ATAD2B: variants seen among roughly 807,000 people sequenced by gnomAD.
ATAD2B encodes ATPase family AAA domain-containing protein 2B.
In ATAD2B, 40 loss-of-function variants were observed where a neutral mutation model predicts 167.6. The ratio of observed to expected loss-of-function variants is 0.24; its 90% CI spans 0.19 to 0.31. The LOEUF is 0.31. ATAD2B is among the 10% of genes least tolerant of loss of function. ATAD2B has a pLI of 1.00. For missense variants in ATAD2B, 1,242 were observed against 1,757.2 expected, an observed-to-expected ratio of 0.71 and a Z score of 5.24; for synonymous variants, 579 against 596.5, an observed-to-expected ratio of 0.97 and a Z score of 0.43.
the ATAD2B span, among the ~76,000 whole-genome samples, chr2:23,733,219 A>G: frequency 2.0e-5 from 3 of 151,994 alleles, no homozygotes; most frequent in African/African-American, 7.3e-5. Flanking sequence ...TTTTTCCTCA[A>G]AGCAACAAAG....
intron 8 of ATAD2B, among the ~76,000 whole-genome samples, chr2:23,870,343 G>C (rs1299034909): frequency 6.8e-6 from 1 of 148,100 alleles, no homozygotes; most frequent in Non-Finnish European, 1.5e-5. Flanking sequence ...CTGGAGTGCG[G>C]TGGCAAGGTC....
At chr2:23,873,410 T>C (rs1696300188) in intron 8 of ATAD2B, among the ~76,000 whole-genome samples, 2 of 152,352 alleles carry the variant, frequency 1.3e-5, no homozygotes, top group South Asian at 4.1e-4. Context: ...CCCTTGCGAA[T>C]ACCAAAATTC....
chr2:23,780,734 T>C (rs1259949149), intron 22 of ATAD2B, among the ~76,000 whole-genome samples: 1 of 152,038 alleles, frequency 6.6e-6, no homozygotes, highest in Admixed American at 6.6e-5. Flanking sequence ...ACCCCATCTC[T>C]ACTAAAAATG....
At chr2:23,759,260 T>C (rs1225660699) in intron 24 of ATAD2B, among the ~76,000 whole-genome samples, 1 of 152,128 alleles carries the variant, frequency 6.6e-6, no homozygotes, top group African/African-American at 2.4e-5. Flanking sequence ...AAAGACAATA[T>C]ATATGTTTAA....
At chr2:23,691,609 C>T in the ATAD2B span, 3 of 1,386,050 alleles carry the variant, frequency 2.2e-6, no homozygotes, top group East Asian at 5.0e-5. Flanking sequence ...GAGATCTAGC[C>T]CTGTGAGGAA....
chr2:23,762,315 A>C lies in ATAD2B; in HGVS notation c.3288T>G (p.Pro1096=). 1.2e-6 allele frequency: 2 copies of C among 1,613,458 alleles called. No homozygotes were observed. Among genetic ancestry groups the C allele is most frequent in the Non-Finnish European group, 1.7e-6 (2 of 1,179,698 alleles). ...GLSVTSEQIN[P]HSTGARKTET... Reference sequence around the variant, plus strand: ...CTGTCTTCCGAGCTCCAGTACTATGAGGATTTATTTGTTCTGATGTTACTG... The same window carrying C: ...CTGTCTTCCGAGCTCCAGTACTATGCGGATTTATTTGTTCTGATGTTACTG... The change falls in exon 24 of 28, where the codon CCT becomes CCG. Residue 1096 remains proline, a synonymous_variant. Transcript: ENST00000238789.
intron 18 of ATAD2B, among the ~76,000 whole-genome samples, chr2:23,802,883 A>G (rs1683726296): frequency 6.6e-6 from 1 of 152,114 alleles, no homozygotes; most frequent in South Asian, 2.1e-4. Context: ...AAAGAAATGC[A>G]TTTAAATTTT....
rs572875021 is a variant in ATAD2B at position 23,885,650 on chromosome 2, A to G, written c.675+77T>C. ...ACTCATGCTAATTCAAAAACATCCA[A>G]CTGTTGCATTCTCCCTTTAAATTCC... is the stretch of plus-strand genomic sequence containing the variant. On this transcript the variant is annotated intron_variant, in intron 5 of 27. Coordinates refer to ENST00000238789, the MANE Select transcript of ATAD2B (RefSeq NM_017552.4). The G allele has an allele frequency of 1.7e-5, 13 of 786,680 alleles. No homozygotes were observed. In the South Asian group the frequency reaches 2.3e-4, roughly 14 times the overall value. 48.7% of individuals were successfully genotyped at this position (786,680 alleles called of 1,614,324 possible).
intron 1 of ATAD2B, among the ~76,000 whole-genome samples, chr2:23,925,949 TATA>T (rs1704714561): frequency 6.6e-6 from 1 of 152,180 alleles, no homozygotes; most frequent in African/African-American, 2.4e-5. Flanking sequence ...GTTCCCCAGC[TATA>T]ATATCATGTT....
the ATAD2B span, among the ~76,000 whole-genome samples, chr2:23,702,443 A>G: frequency 6.6e-6 from 1 of 152,324 alleles, no homozygotes; most frequent in East Asian, 1.9e-4. Flanking sequence ...GCACCATGAT[A>G]AAGTCAAAAA....
chr2:23,696,261 TG>T, the ATAD2B span: 1 of 1,500,486 alleles, frequency 6.7e-7, no homozygotes, highest in Non-Finnish European at 9.0e-7. The surrounding 1 kb of genome is among the most constrained non-coding windows in gnomAD (Gnocchi z 5.5). Context: ...CCTCTGCCCC[TG>T]GGGCTGGGCC....
intron 6 of ATAD2B, among the ~76,000 whole-genome samples, chr2:23,881,982 CAA>C (rs1697974259): frequency 6.6e-6 from 1 of 152,118 alleles, no homozygotes; most frequent in Admixed American, 6.6e-5. Context: ...CTAGGCCTCC[CAA>C]AGTGCTGGGA....
intron 22 of ATAD2B, among the ~76,000 whole-genome samples, chr2:23,766,526 C>T (rs1677430816): frequency 6.6e-6 from 1 of 152,164 alleles, no homozygotes; most frequent in South Asian, 2.1e-4. Flanking sequence ...CAAAACCAAA[C>T]ATGCACCACT....
In ATAD2B at chr2:23,874,252, C is replaced by T. The variant is rs138070408; in HGVS notation, c.977+1577G>A. 7.9e-5 allele frequency among the ~76,000 whole-genome samples: 12 copies of T among 151,326 alleles called. No individual in the cohort carries two copies. The East Asian group carries it at 2.3e-3, about 29-fold the overall frequency. On this transcript the variant is annotated intron_variant, in intron 8 of 27. Coordinates refer to ENST00000238789, the MANE Select transcript of ATAD2B (RefSeq NM_017552.4). ...AAAACTATACAAAACAAACTCAAAC[C>T]ATATACAAAAATTAAGTAAATCAAA... is the stretch of plus-strand genomic sequence containing the variant.
intron 18 of ATAD2B, among the ~76,000 whole-genome samples, chr2:23,808,068 A>AATATATAAGTAATTATATAAATAATTAT (rs1684832301): frequency 1.6e-5 from 1 of 60,952 alleles, no homozygotes; most frequent in African/African-American, 8.3e-5. Context: ...TATAAATTAT[A>AATATATAAGTAATTATATAAATAATTAT]ATATATAAGT....
At chr2:23,746,402 T>C (rs1411354515), downstream of ATAD2B, among the ~76,000 whole-genome samples, 1 of 152,250 alleles carries the variant, frequency 6.6e-6, no homozygotes, top group African/African-American at 2.4e-5. Flanking sequence ...TTTGTGTCTG[T>C]ATAGCACTCA....
intron 19 of ATAD2B, among the ~76,000 whole-genome samples, chr2:23,791,599 T>C (rs1292482523): frequency 6.6e-6 from 1 of 152,170 alleles, no homozygotes; most frequent in Non-Finnish European, 1.5e-5. Flanking sequence ...ACACTTATCA[T>C]CCATTTACAT....
chr2:23,709,102 G>A, the ATAD2B span, among the ~76,000 whole-genome samples: 7,110 of 151,866 alleles, frequency 0.047, 230 homozygotes, highest in Middle Eastern at 0.071. Context: ...GTGCAATGGC[G>A]CGATCTCAGG....
the ATAD2B span, among the ~76,000 whole-genome samples, chr2:23,738,110 G>C: frequency 4.0e-3 from 609 of 152,310 alleles, 8 homozygotes; most frequent in African/African-American, 0.012. Flanking sequence ...ATGGAACCAA[G>C]TTGGAAAACA....
Sources: gnomAD v4.1 joint callset for allele counts (sites outside exome capture counted in the v4.1 genomes callset) on GRCh38, gnomAD v4.1.1 for gene constraint, Gnocchi (gnomAD v3.1) non-coding constraint, MANE v1.5 for transcripts, NCBI Gene and HGNC (gene_info 2026-07-23, HGNC 2026-07-21) for gene names.